CTNNA3: variants seen among roughly 807,000 people sequenced by gnomAD.
CTNNA3 encodes catenin alpha-3.
CTNNA3 carries 76 observed loss-of-function variants against 95.7 expected under a neutral mutation model. That is an observed-to-expected ratio of 0.79 (90% CI 0.66 to 0.96). The LOEUF (loss-of-function observed/expected upper bound fraction) is 0.96, where lower values mean the gene tolerates loss of function less well. Ranked by LOEUF, CTNNA3 falls within the 40% of genes least tolerant of loss-of-function variation. The pLI is 0.00. For missense variants in CTNNA3, 1,191 were observed against 1,089.8 expected (o/e 1.09, Z -1.31); for synonymous variants, 431 against 374.4 (o/e 1.15, Z -1.74).
At chr10:66,467,095 T>C (rs564277472) in intron 11 of CTNNA3, among the ~76,000 whole-genome samples, 12 of 151,200 alleles carry the variant, frequency 7.9e-5, no homozygotes, top group African/African-American at 3.0e-4. Flanking sequence ...AGAATCTTCT[T>C]TCTCATTGTG....
Position 66,850,536 on chromosome 10 carries a change from G to T in CTNNA3, c.1048-75012C>A, listed in dbSNP as rs141583995. ...GATGTGTTTTGTTAACCAATGCATA[G>T]TGTTGTGTGGCCTCAGATTTAGGAG... On this transcript the variant is annotated intron_variant, in intron 7 of 17. Coordinates refer to ENST00000433211, the MANE Select transcript of CTNNA3 (RefSeq NM_013266.4). 4.4e-3 allele frequency among the ~76,000 whole-genome samples: 672 copies of T among 152,214 alleles called. 7 individuals are homozygous for T. Among genetic ancestry groups the T allele is most frequent in the African/African-American group, 0.015 (631 of 41,540 alleles).
chr10:67,081,858 T>C (rs777286843), intron 7 of CTNNA3, among the ~76,000 whole-genome samples: 3 of 152,214 alleles, frequency 2.0e-5, no homozygotes, highest in Non-Finnish European at 2.9e-5. Flanking sequence ...TGCCCTCCTC[T>C]GGAGCCAGTA....
intron 7 of CTNNA3, chr10:67,052,469 A>G (rs1855172291): frequency 6.6e-6 from 1 of 152,174 alleles, no homozygotes; most frequent in Non-Finnish European, 1.5e-5. Context: ...TTCTAATCCA[A>G]ATAATATTTC....
intron 17 of CTNNA3, among the ~76,000 whole-genome samples, chr10:65,951,998 C>T (rs186129913): frequency 7.1e-6 from 1 of 140,516 alleles, no homozygotes; most frequent in Non-Finnish European, 1.5e-5. Flanking sequence ...CCATTGCACT[C>T]CAGACCGGGC....
chr10:67,451,736 C>T (rs1846991782), intron 5 of CTNNA3, among the ~76,000 whole-genome samples: 1 of 152,176 alleles, frequency 6.6e-6, no homozygotes, highest in African/African-American at 2.4e-5. Context: ...ATCTTCTGTT[C>T]TAACTTTCAC....
chr10:67,480,086 T>G (rs1235481840), intron 5 of CTNNA3, among the ~76,000 whole-genome samples: 1 of 151,384 alleles, frequency 6.6e-6, no homozygotes, highest in Non-Finnish European at 1.5e-5. Flanking sequence ...ATTGAACCAG[T>G]AATACAAAGC....
chr10:66,514,861 A>G (rs2132003235), intron 11 of CTNNA3, among the ~76,000 whole-genome samples: 1 of 152,238 alleles, frequency 6.6e-6, no homozygotes, highest in South Asian at 2.1e-4. Flanking sequence ...GTTTATGCAA[A>G]CTGACCTCTG....
intron 5 of CTNNA3, among the ~76,000 whole-genome samples, chr10:67,429,008 A>G (rs568695390): frequency 3.3e-5 from 5 of 151,980 alleles, no homozygotes; most frequent in Admixed American, 6.6e-5. Context: ...ACCCTAATAC[A>G]CTAATACAGT....
chr10:67,062,950 A>G (rs547006386), intron 7 of CTNNA3, among the ~76,000 whole-genome samples: 1 of 152,100 alleles, frequency 6.6e-6, no homozygotes, highest in East Asian at 1.9e-4. Context: ...TAGCTCTCTC[A>G]TATGCTGAGA....
chr10:67,750,635 C>T (rs745481412), intron 1 of CTNNA3: 1 of 1,547,396 alleles, frequency 6.5e-7, no homozygotes, highest in African/African-American at 1.4e-5. Context: ...GGATACAAGT[C>T]TGGGGATGAT....
At chr10:67,555,890 T>C (rs1589420634) in intron 3 of CTNNA3, among the ~76,000 whole-genome samples, 1 of 152,238 alleles carries the variant, frequency 6.6e-6, no homozygotes, top group Non-Finnish European at 1.5e-5. Context: ...TGGCTGTGGG[T>C]TTTCATACAT....
intron 7 of CTNNA3, among the ~76,000 whole-genome samples, chr10:67,068,696 C>T (rs114898880): frequency 0.01 from 1,582 of 152,132 alleles, 28 homozygotes; most frequent in African/African-American, 0.036. Flanking sequence ...AGCAAATGAC[C>T]CAAATATGTT....
chr10:67,188,804 T>G (rs540217273), intron 6 of CTNNA3, among the ~76,000 whole-genome samples: 2 of 152,158 alleles, frequency 1.3e-5, no homozygotes, highest in Admixed American at 1.3e-4. Flanking sequence ...GGAATACTAT[T>G]CAGCCTTTAA....
At chr10:66,265,646 C>G (rs964029645) in intron 13 of CTNNA3, among the ~76,000 whole-genome samples, 3 of 152,004 alleles carry the variant, frequency 2.0e-5, no homozygotes, top group Non-Finnish European at 4.4e-5. Flanking sequence ...TTTGCAATTA[C>G]TCTTCTCTGC....
At chr10:65,959,292 A>T (rs1384293278) in intron 17 of CTNNA3, among the ~76,000 whole-genome samples, 1 of 152,144 alleles carries the variant, frequency 6.6e-6, no homozygotes, top group African/African-American at 2.4e-5. Context: ...ACCATCTGTC[A>T]CATCTTCCCT....
intron 11 of CTNNA3, among the ~76,000 whole-genome samples, chr10:66,442,520 C>A (rs1455457847): frequency 6.6e-6 from 1 of 152,016 alleles, no homozygotes; most frequent in Non-Finnish European, 1.5e-5. Flanking sequence ...TAATAGATTA[C>A]AACATAAAAC....
At position 66,714,949 on chromosome 10, in the gene CTNNA3, C is replaced by A. The variant is rs149116373; in HGVS notation, c.1281+51315G>T. Among the ~76,000 whole-genome samples, 647 of 152,222 alleles carry A rather than the reference C, an allele frequency of 4.3e-3. 1 individual carries two copies. Among genetic ancestry groups the A allele is most frequent in the African/African-American group, 0.015 (613 of 41,556 alleles). ...TCATATTTCAGCCCTTCTCTTTCCA[C>A]TTCCTCCTTCCCACCCAGTGTTTTA... On this transcript the variant is annotated intron_variant, in intron 9 of 17. Transcript: ENST00000433211.
intron 7 of CTNNA3, chr10:66,926,851 C>A: frequency 7.6e-7 from 1 of 1,311,970 alleles, no homozygotes. Context: ...AAATATATGC[C>A]TATTTTTGCT....
chr10:67,633,881 A>G (rs1453035006), intron 2 of CTNNA3, among the ~76,000 whole-genome samples: 1 of 152,200 alleles, frequency 6.6e-6, no homozygotes. Flanking sequence ...GACAGGGAGG[A>G]TGGAACCAAG....
Sources: allele counts gnomAD v4.1 joint callset (sites outside exome capture counted in the v4.1 genomes callset), GRCh38; gene constraint gnomAD v4.1.1; transcripts MANE v1.5; gene names NCBI Gene and HGNC (gene_info 2026-07-23, HGNC 2026-07-21).